ZNF320: variants seen among roughly 807,000 people sequenced by gnomAD.
ZNF320 encodes zinc finger protein 320, also known as zinc finger gene 320.
Under a neutral mutation model 6.8 loss-of-function variants are expected in ZNF320, and 2 were observed. That is an observed-to-expected ratio of 0.29 (90% CI 0.12 to 0.93). The LOEUF (loss-of-function observed/expected upper bound fraction) is 0.93, where lower values mean the gene tolerates loss of function less well. Ranked by LOEUF, ZNF320 falls within the 40% of genes least tolerant of loss-of-function variation. The pLI, the probability that ZNF320 is intolerant of heterozygous loss-of-function variation, is 0.55. For synonymous variants in ZNF320, 208 were observed against 203.2 expected, an observed-to-expected ratio of 1.02 and a Z score of -0.20; for missense variants, 472 against 611.0, an observed-to-expected ratio of 0.77 and a Z score of 2.40.
At chr19:52,887,645 G>A (rs374878613) in intron 5 of ZNF320, among the ~76,000 whole-genome samples, 7 of 152,118 alleles carry the variant, frequency 4.6e-5, no homozygotes, top group Non-Finnish European at 7.4e-5. Context: ...GGAGTGCAGC[G>A]GTGTGTTCTC....
chr19:52,863,215 A>T (rs2063496237), exon 6 of ZNF320, among the ~76,000 whole-genome samples: 1 of 152,166 alleles, frequency 6.6e-6, no homozygotes, highest in Non-Finnish European at 1.5e-5. Flanking sequence ...TATATAATAC[A>T]TAGAAGTATA....
intron 5 of ZNF320, among the ~76,000 whole-genome samples, chr19:52,867,263 TCTCGG>T (rs1192679340): frequency 6.6e-6 from 1 of 152,148 alleles, no homozygotes; most frequent in African/African-American, 2.4e-5. Context: ...AGTGGCATGG[TCTCGG>T]CTCACTGCCA....
rs1280868533 is a variant in ZNF320, at chr19:52,878,548, C to A, written c.*2048G>T. On this transcript the variant is annotated 3_prime_UTR_variant, in exon 6 of 6. Transcript: ENST00000682928. Reference sequence around the variant, plus strand: ...ACAGGTGTGAGCCACCACACCTGTCCTGTGCATCACTTTCAACATCATCTT... The same window carrying A: ...ACAGGTGTGAGCCACCACACCTGTCATGTGCATCACTTTCAACATCATCTT... The A allele has an allele frequency of 3.3e-5, 5 of 152,124 alleles. No individual in the cohort carries two copies. The highest frequency in any genetic ancestry group is 3.3e-4 in the Admixed American group (5 of 15,248). The allele number at this position is 152,124 out of a possible 1,614,324, so 9.4% of individuals were successfully genotyped here.
downstream of ZNF320, among the ~76,000 whole-genome samples, chr19:52,873,634 A>C (rs113577845): frequency 2.0e-5 from 3 of 152,308 alleles, no homozygotes; most frequent in African/African-American, 4.8e-5. Flanking sequence ...TATGACTTTC[A>C]TACACAGTTT....
chr19:52,866,371 G>A (rs1311293207), intron 5 of ZNF320, among the ~76,000 whole-genome samples: 1 of 151,564 alleles, frequency 6.6e-6, no homozygotes, highest in Non-Finnish European at 1.5e-5. Flanking sequence ...AACCCCTCCT[G>A]CAGGAACCCT....
chr19:52,896,027 CTCATA>C (rs2064460294), intron 1 of ZNF320, among the ~76,000 whole-genome samples: 1 of 152,110 alleles, frequency 6.6e-6, no homozygotes, highest in Non-Finnish European at 1.5e-5. Context: ...AAATTTTGAA[CTCATA>C]TCATAGTTGG....
chr19:52,882,282 C>A (rs1212855576), intron 5 of ZNF320, among the ~76,000 whole-genome samples: 1 of 152,034 alleles, frequency 6.6e-6, no homozygotes, highest in African/African-American at 2.4e-5. Context: ...GGGTATCACA[C>A]AGTGCAAAAA....
At chr19:52,865,698 TA>T (rs2063544720) in intron 5 of ZNF320, among the ~76,000 whole-genome samples, 4 of 128,996 alleles carry the variant, frequency 3.1e-5, no homozygotes, top group Admixed American at 8.5e-5. Flanking sequence ...ATATTATACA[TA>T]TATTTATATA....
At chr19:52,868,588 T>C (rs28696813) in intron 5 of ZNF320, among the ~76,000 whole-genome samples, 3,650 of 151,978 alleles carry the variant, frequency 0.024, 148 homozygotes, top group African/African-American at 0.082. Context: ...ACAGTGTTCA[T>C]GTACATGACC....
chr19:52,874,928 T>A (rs1600591327), downstream of ZNF320, among the ~76,000 whole-genome samples: 1 of 152,082 alleles, frequency 6.6e-6, no homozygotes, highest in East Asian at 1.9e-4. Context: ...GAAAGAAGCC[T>A]GCGTGGCTGG....
chr19:52,888,625 C>G (rs79631839), intron 4 of ZNF320, among the ~76,000 whole-genome samples: 67,345 of 103,440 alleles, frequency 0.65, 24,379 homozygotes, highest in African/African-American at 0.71. Flanking sequence ...GCAAGACTCT[C>G]TCTCAAAATA....
At chr19:52,863,462 T>A (rs1196570698) in exon 6 of ZNF320, among the ~76,000 whole-genome samples, 1 of 151,962 alleles carries the variant, frequency 6.6e-6, no homozygotes, top group Non-Finnish European at 1.5e-5. Context: ...CTGGGCATGG[T>A]GGCATGTGCC....
intron 5 of ZNF320, among the ~76,000 whole-genome samples, chr19:52,884,715 G>T (rs1182153722): frequency 1.3e-5 from 2 of 152,150 alleles, no homozygotes; most frequent in Admixed American, 1.3e-4. Context: ...GTCTTTGAAA[G>T]TGCTAGGATT....
At chr19:52,873,453 T>G (rs1162582702), downstream of ZNF320, among the ~76,000 whole-genome samples, 1 of 152,242 alleles carries the variant, frequency 6.6e-6, no homozygotes, top group Non-Finnish European at 1.5e-5. Context: ...AAATCTTGAT[T>G]CAACACAGCA....
downstream of ZNF320, among the ~76,000 whole-genome samples, chr19:52,875,855 G>A (rs188700797): frequency 2.8e-4 from 43 of 152,058 alleles, no homozygotes; most frequent in African/African-American, 8.7e-4. Context: ...AATGTCTAAG[G>A]TCCTGATGGC....
At chr19:52,902,056 C>T (rs781613992), upstream of ZNF320, among the ~76,000 whole-genome samples, 19 of 151,644 alleles carry the variant, frequency 1.3e-4, no homozygotes, top group Non-Finnish European at 2.5e-4. Context: ...ACCATAAGTG[C>T]CACTCTAGTT....
chr19:52,889,133 G>A (rs1036388592), intron 4 of ZNF320, among the ~76,000 whole-genome samples: 12 of 151,718 alleles, frequency 7.9e-5, no homozygotes, highest in Admixed American at 2.0e-4. Flanking sequence ...GCAGTGAGCC[G>A]AGAAATCGCC....
At chr19:52,893,583 G>A (rs767120939) in intron 2 of ZNF320, 196 bp downstream of exon 2, 14 of 152,170 alleles carry the variant, frequency 9.2e-5, no homozygotes, top group African/African-American at 3.1e-4. Flanking sequence ...GGAGTCAGAA[G>A]TTGCAGTGAG....
chr19:52,871,773 T>C (rs1037746502), downstream of ZNF320, among the ~76,000 whole-genome samples: 1 of 152,204 alleles, frequency 6.6e-6, no homozygotes, highest in African/African-American at 2.4e-5. Context: ...TCTGAGCAAA[T>C]GCTTTTCTCA....
Sources: gnomAD v4.1 joint callset for allele counts (sites outside exome capture counted in the v4.1 genomes callset) on GRCh38, gnomAD v4.1.1 for gene constraint, MANE v1.5 for transcripts, NCBI Gene and HGNC (gene_info 2026-07-23, HGNC 2026-07-21) for gene names.